SMPD2: variants seen among roughly 807,000 people sequenced by gnomAD.
The protein encoded by SMPD2 is N-SMase.
A neutral mutation model predicts 41.7 loss-of-function variants in SMPD2; 35 were observed. That is an observed-to-expected ratio of 0.84 (90% CI 0.64 to 1.11). The LOEUF is 1.11. Among genes scored for constraint, SMPD2 ranks in the 50% most tolerant of loss-of-function variants. SMPD2 has a pLI of 0.00. For missense variants in SMPD2, 520 were observed against 524.8 expected (o/e 0.99, Z 0.09); for synonymous variants, 201 against 208.2 (o/e 0.97, Z 0.30).
At chr6:109,442,418 A>G (rs1314425589) in intron 5 of SMPD2, 119 bp downstream of exon 5, 1 of 1,334,464 alleles carries the variant, frequency 7.5e-7, no homozygotes, top group East Asian at 2.3e-5. Context: ...TCTTATAAGG[A>G]AGCAATGGGC....
Position 109,441,992 on chromosome 6 carries a change from C to T in SMPD2, c.243C>T (p.Gly81=). 1.2e-6 allele frequency: 2 copies of T among 1,614,152 alleles called. No homozygotes were observed. The highest frequency in any genetic ancestry group is 1.7e-6 in the Non-Finnish European group (2 of 1,179,982). Residue 81 remains glycine, a synonymous_variant, in exon 4 of 10, where the codon GGC becomes GGT. Coordinates refer to ENST00000258052, the MANE Select transcript of SMPD2 (RefSeq NM_003080.3). The part of the protein sequence containing the change: ...HHFRSGIIGS[G]LCVFSKHPIQ... Reference sequence around the variant, plus strand: ...CTTTCAGCGGAATCATTGGCAGTGGCCTCTGTGTCTTCTCCAAACATCCAA... The same window carrying T: ...CTTTCAGCGGAATCATTGGCAGTGGTCTCTGTGTCTTCTCCAAACATCCAA...
At position 109,441,466 on chromosome 6, in the gene SMPD2, A is replaced by G; in HGVS notation, c.147+13A>G. The G allele has an allele frequency of 1.2e-6, 2 of 1,613,700 alleles. No individual in the cohort carries two copies. The highest frequency in any genetic ancestry group is 1.7e-6 in the Non-Finnish European group (2 of 1,179,540). ...TTTGCTGGAGGAGGTGAGATTGTGC[A>G]GCACGGTGCGGAACCCAGGCTGGGA... On this transcript the variant is annotated intron_variant, in intron 2 of 9. Coordinates refer to ENST00000258052, the MANE Select transcript of SMPD2 (RefSeq NM_003080.3).
Position 109,441,591 on chromosome 6 carries a change from C to G in SMPD2, c.187C>G (p.Leu63Val). The change falls in exon 3 of 10, where the codon CTG becomes GTG. Residue 63 changes from leucine to valine, a missense_variant. By Grantham distance (32) the Leu-to-Val change is conservative. Transcript: ENST00000258052. ...EQDFQYLRQK[L>V]SPTYPAAHHF... is the part of the protein sequence containing the mutation. ...GGACTTCCAGTACCTGAGACAGAAG[C>G]TGTCACCTACCTACCCAGCTGCACA... 2 of 1,614,238 alleles carry G rather than the reference C, an allele frequency of 1.2e-6. No homozygotes were observed. The highest frequency in any genetic ancestry group is 1.7e-6 in the Non-Finnish European group (2 of 1,180,040).
chr6:109,442,139 T>C (rs1382296325), intron 4 of SMPD2, 71 bp from the exon 5 acceptor site: 2 of 1,591,794 alleles, frequency 1.3e-6, no homozygotes, highest in Admixed American at 1.7e-5. Context: ...GAGGCAGCCC[T>C]CTGAGAGCTG....
In SMPD2 at chr6:109,442,263, T is replaced by C. The variant is rs1479063468; in HGVS notation, c.372T>C (p.His124=). 2 of 1,614,160 alleles carry C rather than the reference T, an allele frequency of 1.2e-6. No individual in the cohort carries two copies. The highest frequency in any genetic ancestry group is 1.7e-5 in the Admixed American group (1 of 60,024). The change falls in exon 5 of 10, where the codon CAT becomes CAC. Residue 124 remains histidine (H), a synonymous_variant. Transcript: ENST00000258052. ...SGKAVGLLVL[H]LSGMVLNAYV... ...AGGCTGTGGGGCTGCTGGTGCTCCATCTAAGTGGCATGGTGCTCAACGCCT... is the reference window on the plus strand; with the variant it reads ...AGGCTGTGGGGCTGCTGGTGCTCCACCTAAGTGGCATGGTGCTCAACGCCT...
rs748746214 is a variant in SMPD2, at chr6:109,442,746, C to T, written c.492-6C>T. On this transcript the variant is annotated splice_polypyrimidine_tract_variant and splice_region_variant and intron_variant, in intron 6 of 9. Transcript: ENST00000258052. Reference sequence around the variant, plus strand: ...AACTCCCGCCTCACCAACCTGGTTCCCCCAGCCACACATCCAAGAAGGCAG... The same window carrying T: ...AACTCCCGCCTCACCAACCTGGTTCTCCCAGCCACACATCCAAGAAGGCAG... 1.3e-6 allele frequency: 2 copies of T among 1,565,556 alleles called. No individual in the cohort carries two copies. The highest frequency in any genetic ancestry group is 1.7e-6 in the Non-Finnish European group (2 of 1,169,822).
Position 109,443,087 on chromosome 6 carries a change from G to A in SMPD2, c.729+6G>A, listed in dbSNP as rs747893082. ...TTGACTACGTGCTTTACAAGGTCAG[G>A]CTCCTCCCTTCAACATGCTTTCATA... On this transcript the variant is annotated splice_donor_region_variant and intron_variant, in intron 8 of 9. Coordinates refer to ENST00000258052, the MANE Select transcript of SMPD2 (RefSeq NM_003080.3). 1 of 1,609,972 alleles carries A rather than the reference G, an allele frequency of 6.2e-7. No individual in the cohort carries two copies. The highest frequency in any genetic ancestry group is 1.1e-5 in the South Asian group (1 of 90,978).
In SMPD2 at chr6:109,443,059, G is replaced by C. The variant is rs148979626; in HGVS notation, c.707G>C (p.Arg236Pro). The C allele has an allele frequency of 5.6e-6, 9 of 1,613,776 alleles. No individual in the cohort carries two copies. The highest frequency in any genetic ancestry group is 2.2e-5 in the East Asian group (1 of 44,896). ...CTGAAGCCATTTCCCTTTGGTGTCC[G>C]CATTGACTACGTGCTTTACAAGGTC... is the stretch of plus-strand genomic sequence containing the variant. Reference protein sequence around the residue: ...QELKPFPFGVRIDYVLYKAVS... With the variant: ...QELKPFPFGVPIDYVLYKAVS... Residue 236 changes from arginine (R) to proline (P), a missense_variant, in exon 8 of 10, where the codon CGC becomes CCC. Physicochemically the swap from Arg to Pro is moderately radical, Grantham distance 103 (BLOSUM62 -2). Transcript: ENST00000258052.
chr6:109,443,298 GT>G lies in SMPD2; in HGVS notation c.765del (p.Phe255LeufsTer21). The G allele has an allele frequency of 6.2e-7, 1 of 1,614,174 alleles. No individual in the cohort carries two copies. Among genetic ancestry groups the G allele is most frequent in the Non-Finnish European group, 8.5e-7 (1 of 1,180,018 alleles). ...TCTGGGTTTTACATCTCCTGTAAGAGTTTTGAAACCACTACAGGCTTTGACC... is the reference window on the plus strand; with the variant it reads ...TCTGGGTTTTACATCTCCTGTAAGAGTTTGAAACCACTACAGGCTTTGACC... ...AVSGFYISCK[S>X]FETTTGFDPH... On this transcript the variant is annotated frameshift_variant, in exon 9 of 10. Transcript: ENST00000258052. LOFTEE classifies it high-confidence loss of function.
rs1174613431 is a variant in SMPD2, at chr6:109,443,429, C to G, written c.883+9C>G. 1 of 1,612,628 alleles carries G rather than the reference C, an allele frequency of 6.2e-7. No homozygotes were observed. ...CCCCAGCTCTACCCACGGTGAGTCA[C>G]CCCCACCCTTTCCTTGGCCCTTGCC... is the stretch of plus-strand genomic sequence containing the variant. On this transcript the variant is annotated intron_variant, in intron 9 of 9. Transcript: ENST00000258052.
At position 109,443,683 on chromosome 6, in the gene SMPD2, CG is replaced by C; in HGVS notation, c.1054del (p.Glu352LysfsTer11). 1.2e-6 allele frequency: 2 copies of C among 1,613,794 alleles called. No individual in the cohort carries two copies. Among genetic ancestry groups the C allele is most frequent in the Non-Finnish European group, 8.5e-7 (1 of 1,179,872 alleles). Reference sequence around the variant, plus strand: ...GTGTCCTGGCGGCTGGAGGAGGGGCCGGGGAAGCTGCCATACTGCTCTGGAC... The same window carrying C: ...GTGTCCTGGCGGCTGGAGGAGGGGCCGGGAAGCTGCCATACTGCTCTGGAC... ...LCVLAAGGGAGEAAILLWTPS... is the reference protein window; with the variant it reads ...LCVLAAGGGAXEAAILLWTPS... On this transcript the variant is annotated frameshift_variant, in exon 10 of 10. Coordinates refer to ENST00000258052, the MANE Select transcript of SMPD2 (RefSeq NM_003080.3). LOFTEE classifies it low-confidence loss of function (END_TRUNC).
intron 5 of SMPD2, 29 bp from the exon 6 acceptor site, chr6:109,442,514 T>C (rs369361781): frequency 1.9e-6 from 3 of 1,586,098 alleles, no homozygotes; most frequent in African/African-American, 2.7e-5. Flanking sequence ...CTCAGTCTTA[T>C]CTGCTGTGAT....
At chr6:109,441,486 C>G (rs1774880106) in intron 2 of SMPD2, 33 bp downstream of exon 2, 1 of 1,612,110 alleles carries the variant, frequency 6.2e-7, no homozygotes, top group Admixed American at 1.7e-5. Context: ...GGAACCCAGG[C>G]TGGGAGGAGG....
Position 109,442,547 on chromosome 6 carries a change from A to G in SMPD2, c.413A>G (p.His138Arg). ...MVLNAYVTHLHAEYNRQKDIY... is the reference protein window; with the variant it reads ...MVLNAYVTHLRAEYNRQKDIY... ...GATCTCATCTATCTTGCTCAGCTCCATGCCGAATACAATCGACAGAAGGAC... is the reference window on the plus strand; with the variant it reads ...GATCTCATCTATCTTGCTCAGCTCCGTGCCGAATACAATCGACAGAAGGAC... The change falls in exon 6 of 10, where the codon CAT (histidine) becomes CGT (arginine). Residue 138 changes from histidine (H) to arginine (R), a missense_variant. By Grantham distance (29) the His-to-Arg change is conservative. Transcript: ENST00000258052. 2 of 1,612,284 alleles carry G rather than the reference A, an allele frequency of 1.2e-6. No individual in the cohort carries two copies. Among genetic ancestry groups the G allele is most frequent in the Non-Finnish European group, 1.7e-6 (2 of 1,178,778 alleles).
rs781417866 is a variant in SMPD2, at chr6:109,443,012, C to G, written c.660C>G (p.Asn220Lys). ...AAGGCAACACAATGGTACCCAAGAA[C>G]TGCTACGTCAGCCAGCAGGAGCTGA... ...SEEGNTMVPK[N>K]CYVSQQELKP... Residue 220 changes from asparagine (N) to lysine (K), a missense_variant, in exon 8 of 10, where the codon AAC becomes AAG. Coordinates refer to ENST00000258052, the MANE Select transcript of SMPD2 (RefSeq NM_003080.3). 3.5e-5 allele frequency: 56 copies of G among 1,614,232 alleles called. No homozygotes were observed. The highest frequency in any genetic ancestry group is 4.7e-5 in the Non-Finnish European group (56 of 1,180,038).
Position 109,442,971 on chromosome 6 carries a change from C to T in SMPD2, c.625-6C>T. The stretch of plus-strand genomic sequence containing the variant: ...ACATCCTAGCATGAGCCAATGATTC[C>T]CTTAGGGCTCTGAGGAAGGCAACAC... On this transcript the variant is annotated splice_polypyrimidine_tract_variant and splice_region_variant and intron_variant, in intron 7 of 9. Coordinates refer to ENST00000258052, the MANE Select transcript of SMPD2 (RefSeq NM_003080.3). 1.2e-6 allele frequency: 2 copies of T among 1,613,782 alleles called. No homozygotes were observed. Among genetic ancestry groups the T allele is most frequent in the Non-Finnish European group, 1.7e-6 (2 of 1,179,658 alleles).
chr6:109,442,905 T>C, intron 7 of SMPD2, 21 bp downstream of exon 7: 2 of 1,610,902 alleles, frequency 1.2e-6, no homozygotes, highest in Non-Finnish European at 1.7e-6. Context: ...GCCTGTTACT[T>C]CCCCACCTAT....
Position 109,441,180 on chromosome 6 carries a change from G to A in SMPD2, c.50+9G>A. 2 of 1,614,040 alleles carry A rather than the reference G, an allele frequency of 1.2e-6. No homozygotes were observed. The highest frequency in any genetic ancestry group is 2.2e-5 in the South Asian group (2 of 91,074). Reference sequence around the variant, plus strand: ...TTCAACCTCAACTGCTGGTGAGTGCGTCTGCGGAGTGCGGTCTGGGGGCCA... The same window carrying A: ...TTCAACCTCAACTGCTGGTGAGTGCATCTGCGGAGTGCGGTCTGGGGGCCA... On this transcript the variant is annotated intron_variant, in intron 1 of 9. Coordinates refer to ENST00000258052, the MANE Select transcript of SMPD2 (RefSeq NM_003080.3).
Position 109,442,883 on chromosome 6 carries a change from A to G in SMPD2, c.623A>G (p.Lys208Arg). 3.1e-6 allele frequency: 5 copies of G among 1,612,552 alleles called. No individual in the cohort carries two copies. The highest frequency in any genetic ancestry group is 4.2e-6 in the Non-Finnish European group (5 of 1,178,656). Residue 208 changes from lysine to arginine, a missense_variant and splice_region_variant, in exon 7 of 10, where the codon AAG becomes AGG. Lys to Arg is a conservative substitution (Grantham distance 26, BLOSUM62 2). Transcript: ENST00000258052. ...GCCTATCTTGAAACTCGGGACTTCA[A>G]GGTGAGGACTTGCCTGTTACTTCCC... ...HDAYLETRDF[K>R]GSEEGNTMVP...
Sources: allele counts gnomAD v4.1 joint callset, GRCh38; gene constraint gnomAD v4.1.1; transcripts MANE v1.5; gene names NCBI Gene and HGNC (gene_info 2026-07-23, HGNC 2026-07-21).